ACSS3: variants seen among roughly 807,000 people sequenced by gnomAD.
The protein encoded by ACSS3 is acyl-CoA synthetase short chain family member 3, also known as acyl-CoA synthetase short-chain family member 3, mitochondrial.
A neutral mutation model predicts 84.2 loss-of-function variants in ACSS3; 64 were observed. The observed-to-expected ratio is 0.76, with a 90% CI of 0.62 to 0.94. ACSS3 has a LOEUF of 0.94. ACSS3 is among the 40% of genes least tolerant of loss of function. The pLI is 0.00. For missense variants in ACSS3, 815 were observed against 867.6 expected, an observed-to-expected ratio of 0.94 and a Z score of 0.76; for synonymous variants, 317 against 310.1, an observed-to-expected ratio of 1.02 and a Z score of -0.23.
chr12:81,177,574 G>A (rs532865663), intron 8 of ACSS3, among the ~76,000 whole-genome samples: 1 of 151,936 alleles, frequency 6.6e-6, no homozygotes, highest in East Asian at 1.9e-4. Flanking sequence ...TCTGACAAAG[G>A]GCTAATATCC....
intron 7 of ACSS3, among the ~76,000 whole-genome samples, chr12:81,163,594 T>C (rs1246339517): frequency 6.6e-6 from 1 of 152,220 alleles, no homozygotes; most frequent in African/African-American, 2.4e-5. Flanking sequence ...CTTCAGGTGG[T>C]ATTCCAGAAG....
At chr12:81,228,939 G>C (rs1023445735) in intron 11 of ACSS3, among the ~76,000 whole-genome samples, 2 of 151,602 alleles carry the variant, frequency 1.3e-5, no homozygotes, top group African/African-American at 4.8e-5. Context: ...TCTCATCATG[G>C]GCAATATTAC....
At position 81,231,144 on chromosome 12, in the gene ACSS3, A is replaced by G; in HGVS notation, c.1596+6A>G. ...TATACTTTGAAAAATTTCCTGTAAG[A>G]ACTTTAATATGCTTTTTTATCTTCT... On this transcript the variant is annotated splice_donor_region_variant and intron_variant, in intron 12 of 15. Coordinates refer to ENST00000548058, the MANE Select transcript of ACSS3 (RefSeq NM_024560.4). 1.3e-6 allele frequency: 2 copies of G among 1,591,396 alleles called. No homozygotes were observed. The highest frequency in any genetic ancestry group is 1.7e-6 in the Non-Finnish European group (2 of 1,162,980).
intron 1 of ACSS3, among the ~76,000 whole-genome samples, chr12:81,099,718 C>CT (rs138872801): frequency 5.3e-5 from 8 of 151,334 alleles, no homozygotes; most frequent in East Asian, 1.9e-4. Flanking sequence ...TGAAAGAAGA[C>CT]TTTTTTTTTC....
intron 7 of ACSS3, among the ~76,000 whole-genome samples, chr12:81,173,096 G>A (rs2030202742): frequency 6.6e-6 from 1 of 152,088 alleles, no homozygotes; most frequent in Non-Finnish European, 1.5e-5. Flanking sequence ...GTTTTCTAAG[G>A]CACAGTGTCA....
At chr12:81,146,259 G>A (rs1274676432) in intron 5 of ACSS3, among the ~76,000 whole-genome samples, 1 of 151,968 alleles carries the variant, frequency 6.6e-6, no homozygotes, top group Non-Finnish European at 1.5e-5. Flanking sequence ...CCAGCTTCTT[G>A]GACACCTCCT....
intron 8 of ACSS3, among the ~76,000 whole-genome samples, chr12:81,192,495 C>T (rs2031624166): frequency 6.6e-6 from 1 of 152,182 alleles, no homozygotes; most frequent in African/African-American, 2.4e-5. Context: ...AGGCAATTGT[C>T]TTAAGGGAAG....
chr12:81,245,891 T>C (rs1284115120), intron 13 of ACSS3, among the ~76,000 whole-genome samples: 2 of 152,196 alleles, frequency 1.3e-5, no homozygotes, highest in Non-Finnish European at 2.9e-5. Context: ...AGGTCCCTTT[T>C]CCCTCTTTGG....
intron 15 of ACSS3, 118 bp from the exon 16 acceptor site, chr12:81,254,739 T>G: frequency 1.3e-6 from 1 of 753,634 alleles, no homozygotes; most frequent in Non-Finnish European, 2.0e-6. Context: ...TTTTTAAACT[T>G]TCCATATGAA....
chr12:81,247,643 TTCTA>T (rs1344565993), intron 13 of ACSS3, among the ~76,000 whole-genome samples: 1 of 152,052 alleles, frequency 6.6e-6, no homozygotes, highest in African/African-American at 2.4e-5. Flanking sequence ...GATAAGAAAA[TTCTA>T]TCTCAGTTTA....
At chr12:81,101,208 A>G (rs140182957) in intron 1 of ACSS3, among the ~76,000 whole-genome samples, 182 of 152,240 alleles carry the variant, frequency 1.2e-3, no homozygotes, top group African/African-American at 4.2e-3. Flanking sequence ...TTAAAGTTAT[A>G]TTTTTACTTA....
intron 8 of ACSS3, among the ~76,000 whole-genome samples, chr12:81,187,935 G>T (rs768062908): frequency 6.6e-6 from 1 of 151,906 alleles, no homozygotes; most frequent in Non-Finnish European, 1.5e-5. Flanking sequence ...AATCTGGAAT[G>T]ATTTTAAATC....
intron 13 of ACSS3, among the ~76,000 whole-genome samples, chr12:81,249,099 GTGT>G (rs1356418436): frequency 6.6e-6 from 1 of 151,954 alleles, no homozygotes; most frequent in African/African-American, 2.4e-5. Flanking sequence ...TATTTTTAAA[GTGT>G]TGATTAGTTT....
At chr12:81,204,854 A>T (rs1379122825) in intron 9 of ACSS3, among the ~76,000 whole-genome samples, 1 of 152,176 alleles carries the variant, frequency 6.6e-6, no homozygotes, top group Non-Finnish European at 1.5e-5. Flanking sequence ...GTTTGTTTTC[A>T]TCACTTTAAT....
chr12:81,172,897 G>A (rs1341507933), intron 7 of ACSS3, among the ~76,000 whole-genome samples: 1 of 151,980 alleles, frequency 6.6e-6, no homozygotes, highest in Non-Finnish European at 1.5e-5. Context: ...ATTTCAGTTG[G>A]CTATAAAATA....
chr12:81,128,491 C>T (rs978580295), intron 2 of ACSS3, among the ~76,000 whole-genome samples: 2 of 152,058 alleles, frequency 1.3e-5, no homozygotes, highest in African/African-American at 4.8e-5. Flanking sequence ...GGCCTTGCTC[C>T]CCTGGGATCT....
chr12:81,179,556 G>A (rs1593166603), intron 8 of ACSS3, among the ~76,000 whole-genome samples: 1 of 152,114 alleles, frequency 6.6e-6, no homozygotes, highest in African/African-American at 2.4e-5. Context: ...GCCGAGGTGG[G>A]CAGATCACAA....
At chr12:81,144,654 A>G (rs897665317) in intron 5 of ACSS3, among the ~76,000 whole-genome samples, 1 of 152,164 alleles carries the variant, frequency 6.6e-6, no homozygotes, top group African/African-American at 2.4e-5. Flanking sequence ...TAAAAAATTT[A>G]GTTTCTTAAA....
intron 1 of ACSS3, among the ~76,000 whole-genome samples, chr12:81,080,278 C>T (rs963575823): frequency 4.6e-5 from 7 of 151,584 alleles, no homozygotes; most frequent in Non-Finnish European, 7.4e-5. Context: ...GTGTCAATGT[C>T]CCAGCAAGTA....
Sources: allele counts gnomAD v4.1 joint callset (sites outside exome capture counted in the v4.1 genomes callset), GRCh38; gene constraint gnomAD v4.1.1; transcripts MANE v1.5; gene names NCBI Gene and HGNC (gene_info 2026-07-23, HGNC 2026-07-21).